PPFIA1: variants seen among roughly 807,000 people sequenced by gnomAD.
PPFIA1 encodes the protein liprin-alpha-1.
Under a neutral mutation model 149.9 loss-of-function variants are expected in PPFIA1, and 25 were observed. The observed-to-expected ratio is 0.17, with a 90% CI of 0.12 to 0.23. PPFIA1 has a LOEUF of 0.23. Ranked by LOEUF, PPFIA1 falls within the 10% of genes least tolerant of loss-of-function variation. The pLI, the probability that PPFIA1 is intolerant of heterozygous loss-of-function variation, is 1.00. For missense variants in PPFIA1, 1,362 were observed against 1,506.5 expected (o/e 0.90, Z 1.59); for synonymous variants, 549 against 552.8 (o/e 0.99, Z 0.10).
Position 70,329,320 on chromosome 11 carries a change from T to C in PPFIA1, c.931-853T>C, listed in dbSNP as rs184900956. ...GCTTGGTCAACTGAGTGGCCAGACA[T>C]AGTATTAAGAGAGACAAGTCTTTGT... On this transcript the variant is annotated intron_variant, in intron 7 of 27. Transcript: ENST00000253925. Among the ~76,000 whole-genome samples the C allele has an allele frequency of 2.0e-3, 298 of 152,330 alleles. 3 individuals are homozygous for C. Among genetic ancestry groups the C allele is most frequent in the African/African-American group, 6.9e-3 (287 of 41,572 alleles).
rs1333823605 is a variant in PPFIA1 at position 70,300,691 on chromosome 11, G to A, written c.265-23711G>A. Among the ~76,000 whole-genome samples the A allele has an allele frequency of 2.6e-5, 4 of 151,998 alleles. No individual in the cohort carries two copies. In the East Asian group the frequency reaches 7.7e-4, roughly 29 times the overall value. ...TGGGACTACAGGCGCCCGCCACCAC[G>A]CCCAGCTAATTTTATGTATTTTTAG... On this transcript the variant is annotated intron_variant, in intron 2 of 27. Transcript: ENST00000253925.
At chr11:70,278,801 C>T (rs576678286) in intron 2 of PPFIA1, 1 of 349,682 alleles carries the variant, frequency 2.9e-6, no homozygotes, top group African/African-American at 2.2e-5. Context: ...AGTAGAATTA[C>T]AGAAAGGCAG....
chr11:70,271,679 T>A (rs1251322274), intron 1 of PPFIA1, among the ~76,000 whole-genome samples: 1 of 152,226 alleles, frequency 6.6e-6, no homozygotes, highest in Non-Finnish European at 1.5e-5. Context: ...GGGAGCTGAC[T>A]GCACACATTC....
chr11:70,325,079 G>A lies in PPFIA1; in HGVS notation c.531+68G>A. Reference sequence around the variant, plus strand: ...TATTAGGCCAGCTTCACAAGTGTTGGTGTAACTTTTGTTTTTTGAAGCTTC... The same window carrying A: ...TATTAGGCCAGCTTCACAAGTGTTGATGTAACTTTTGTTTTTTGAAGCTTC... On this transcript the variant is annotated intron_variant, in intron 4 of 27. Coordinates refer to ENST00000253925, the MANE Select transcript of PPFIA1 (RefSeq NM_003626.5). 4 of 1,426,518 alleles carry A rather than the reference G, an allele frequency of 2.8e-6. No individual in the cohort carries two copies. In the South Asian group the frequency reaches 4.9e-5, roughly 17 times the overall value. 88.4% of individuals were successfully genotyped at this position (1,426,518 alleles called of 1,614,324 possible). A position where few individuals can be genotyped will look rare whatever the true frequency, so the allele number is the denominator to read the frequency against.
intron 24 of PPFIA1, 88 bp downstream of exon 24, chr11:70,375,181 TAAAAAAAAA>T: frequency 2.1e-5 from 3 of 141,332 alleles, no homozygotes; most frequent in Non-Finnish European, 3.2e-5. Context: ...AAAGAAACTT[TAAAAAAAAA>T]AAAAAAAAAA....
rs757943023 is a variant in PPFIA1, at chr11:70,348,251, G to C, written c.1994G>C (p.Gly665Ala). The C allele has an allele frequency of 6.2e-7, 1 of 1,614,168 alleles. No individual in the cohort carries two copies. The highest frequency in any genetic ancestry group is 1.7e-5 in the Admixed American group (1 of 60,022). The change falls in exon 16 of 28, where the codon GGC (glycine) becomes GCC (alanine). Residue 665 changes from glycine (G) to alanine (A), a missense_variant. Physicochemically the swap from Gly to Ala is moderately conservative, Grantham distance 60 (BLOSUM62 0). Around this residue, in one of 7 missense-constraint regions of PPFIA1, gnomAD observed 733 missense variants for 744.1 expected, o/e 0.99. Transcript: ENST00000253925. ...GCAGAGGAGATTGAAAGTCGAGTTG[G>C]CAGTGGAAGTCTAGACAATCTTGGT... ...QRAEEIESRV[G>A]SGSLDNLGRF...
chr11:70,377,930 A>G, intron 25 of PPFIA1, 100 bp from the exon 26 acceptor site: 1 of 931,090 alleles, frequency 1.1e-6, no homozygotes, highest in Non-Finnish European at 1.7e-6. Flanking sequence ...GGACAAGAAT[A>G]CATTCTCGAG....
chr11:70,311,389 CGT>C (rs1014762034), intron 2 of PPFIA1, among the ~76,000 whole-genome samples: 10 of 152,150 alleles, frequency 6.6e-5, no homozygotes, highest in African/African-American at 2.4e-4. Context: ...GTGATGAGGG[CGT>C]GTGTGATCAT....
intron 21 of PPFIA1, chr11:70,363,036 A>T (rs947811): frequency 0.18 from 26,872 of 152,472 alleles, 3,104 homozygotes; most frequent in African/African-American, 0.31. Context: ...AGTTTTCATG[A>T]TTCAAACTGA....
At chr11:70,344,255 A>T (rs994142311) in intron 15 of PPFIA1, among the ~76,000 whole-genome samples, 2 of 152,220 alleles carry the variant, frequency 1.3e-5, no homozygotes, top group Middle Eastern at 3.2e-3. Flanking sequence ...AGCTGAGCAC[A>T]TCTGGAGGAG....
intron 2 of PPFIA1, among the ~76,000 whole-genome samples, chr11:70,306,099 T>C (rs957106974): frequency 6.6e-6 from 1 of 152,230 alleles, no homozygotes; most frequent in South Asian, 2.1e-4. Context: ...AAATGGCCTT[T>C]TGGGGCAAAC....
At chr11:70,325,674 G>C in intron 5 of PPFIA1, 100 bp downstream of exon 5, 1 of 931,228 alleles carries the variant, frequency 1.1e-6, no homozygotes, top group Non-Finnish European at 1.7e-6. Context: ...GCTCACACCT[G>C]TCATCCCAGC....
At chr11:70,364,569 C>G (rs7942613) in intron 21 of PPFIA1, 1 of 152,022 alleles carries the variant, frequency 6.6e-6, no homozygotes, top group South Asian at 2.1e-4. Flanking sequence ...AGGGGTTTTA[C>G]TTGTTTTATT....
intron 24 of PPFIA1, 129 bp downstream of exon 24, chr11:70,375,222 GGT>G: frequency 3.7e-6 from 1 of 271,688 alleles, no homozygotes; most frequent in Non-Finnish European, 5.5e-6. Context: ...ACTAGTTTTT[GGT>G]TTTTTTTTTT....
rs372799418 is a variant in PPFIA1 at position 70,328,219 on chromosome 11, T to C, written c.930+1401T>C. 4.6e-5 allele frequency among the ~76,000 whole-genome samples: 7 copies of C among 152,302 alleles called. No individual in the cohort carries two copies. In the East Asian group the frequency reaches 1.2e-3, roughly 25 times the overall value. Reference sequence around the variant, plus strand: ...TAGTTATTTTTCCTGATCCTCTTCTTCCTCCTATCCTCCACCCTCCACCCT... The same window carrying C: ...TAGTTATTTTTCCTGATCCTCTTCTCCCTCCTATCCTCCACCCTCCACCCT... On this transcript the variant is annotated intron_variant, in intron 7 of 27. Transcript: ENST00000253925.
At chr11:70,356,728 G>T (rs1354096175) in intron 19 of PPFIA1, among the ~76,000 whole-genome samples, 1 of 152,236 alleles carries the variant, frequency 6.6e-6, no homozygotes, top group Admixed American at 6.5e-5. Flanking sequence ...GCTGTGGCCA[G>T]TGCAGCGACT....
chr11:70,284,938 G>A (rs1350836379), intron 2 of PPFIA1, among the ~76,000 whole-genome samples: 2 of 152,102 alleles, frequency 1.3e-5, no homozygotes, highest in Non-Finnish European at 2.9e-5. Context: ...AGTACTTTGC[G>A]TGCATCGTGG....
intron 2 of PPFIA1, among the ~76,000 whole-genome samples, chr11:70,301,402 T>C (rs1280306150): frequency 6.6e-6 from 1 of 152,192 alleles, no homozygotes; most frequent in African/African-American, 2.4e-5. Context: ...TGCATTGGGC[T>C]GCGAGTCCCA....
intron 2 of PPFIA1, among the ~76,000 whole-genome samples, chr11:70,314,700 A>G (rs1005914288): frequency 5.3e-5 from 8 of 152,140 alleles, no homozygotes; most frequent in African/African-American, 1.7e-4. Context: ...TTTTAACTCA[A>G]TATTTATGTG....
Sources: allele counts gnomAD v4.1 joint callset (sites outside exome capture counted in the v4.1 genomes callset), GRCh38; gene constraint gnomAD v4.1.1; regional missense constraint gnomAD v4.1.1; transcripts MANE v1.5; gene names NCBI Gene and HGNC (gene_info 2026-07-23, HGNC 2026-07-21).